The following PAQR8 variants were observed in gnomAD, a reference collection of about 807,000 sequenced individuals.
PAQR8 encodes the protein membrane progestin receptor beta.
PAQR8 carries 17 observed loss-of-function variants against 25.2 expected under a neutral mutation model. That is an observed-to-expected ratio of 0.67 (90% confidence interval 0.46 to 1.01). PAQR8 has a LOEUF of 1.01. Among genes scored for constraint, PAQR8 ranks in the 50% least tolerant of loss-of-function variants. PAQR8 has a pLI of 0.00. For synonymous variants in PAQR8, 204 were observed against 190.6 expected (o/e 1.07, Z -0.58); for missense variants, 392 against 448.4 (o/e 0.87, Z 1.14).
At chr6:52,379,638 T>TTTTTTTG (rs1763530285) in intron 1 of PAQR8, among the ~76,000 whole-genome samples, 1 of 139,768 alleles carries the variant, frequency 7.2e-6, no homozygotes, top group Non-Finnish European at 1.6e-5. Context: ...TTTTTTTTTT[T>TTTTTTTG]TTTTTTGAGA....
intron 1 of PAQR8, among the ~76,000 whole-genome samples, chr6:52,365,779 G>T (rs2113932096): frequency 6.6e-6 from 1 of 152,154 alleles, no homozygotes; most frequent in South Asian, 2.1e-4. Flanking sequence ...CAGAAACGAG[G>T]AAATACAGAC....
At chr6:52,366,385 T>A (rs566005136) in intron 1 of PAQR8, among the ~76,000 whole-genome samples, 2 of 152,218 alleles carry the variant, frequency 1.3e-5, no homozygotes, top group Non-Finnish European at 2.9e-5. Context: ...CTTACAATGA[T>A]GCAGGAACAA....
chr6:52,403,389 G>C lies in PAQR8; in HGVS notation c.176G>C (p.Gly59Ala). 6.2e-7 allele frequency: 1 copy of C among 1,614,230 alleles called. No individual in the cohort carries two copies. Among genetic ancestry groups the C allele is most frequent in the Non-Finnish European group, 8.5e-7 (1 of 1,180,042 alleles). The part of the protein sequence containing the change: ...PYIRTGYRPT[G>A]HEWRYYFFSL... ...ATCCGCACCGGCTACCGCCCCACGG[G>C]GCACGAGTGGCGCTACTACTTCTTC... The change falls in exon 2 of 2, where the codon GGG becomes GCG. Residue 59 changes from glycine (G) to alanine (A), a missense_variant. Gly to Ala is a moderately conservative substitution (Grantham distance 60). Coordinates refer to ENST00000442253, the MANE Select transcript of PAQR8 (RefSeq NM_133367.5).
At position 52,406,681 on chromosome 6, in the gene PAQR8, G is replaced by C; in HGVS notation, c.*2403G>C. 1 of 404,342 alleles carries C rather than the reference G, an allele frequency of 2.5e-6. No individual in the cohort carries two copies. Among genetic ancestry groups the C allele is most frequent in the Non-Finnish European group, 4.4e-6 (1 of 225,046 alleles). The allele number at this position is 404,342 out of a possible 1,614,324, so 25.0% of individuals were successfully genotyped here. On this transcript the variant is annotated 3_prime_UTR_variant, in exon 2 of 2. Coordinates refer to ENST00000442253, the MANE Select transcript of PAQR8 (RefSeq NM_133367.5). Reference sequence around the variant, plus strand: ...CAGCTCAAGCAATCCTCCCACCTCAGCCTCCTAAGTACCTGGTACTACAGG... The same window carrying C: ...CAGCTCAAGCAATCCTCCCACCTCACCCTCCTAAGTACCTGGTACTACAGG...
chr6:52,399,862 G>A (rs1181141539), intron 1 of PAQR8, among the ~76,000 whole-genome samples: 3 of 152,166 alleles, frequency 2.0e-5, no homozygotes, highest in Non-Finnish European at 4.4e-5. Flanking sequence ...AACAGCAACA[G>A]GGCAACTTGA....
At chr6:52,365,766 A>C (rs1343289348) in intron 1 of PAQR8, among the ~76,000 whole-genome samples, 2 of 152,168 alleles carry the variant, frequency 1.3e-5, no homozygotes, top group African/African-American at 2.4e-5. Flanking sequence ...TTTTTTATTT[A>C]TTCAGAAACG....
chr6:52,372,875 A>G (rs192118231), intron 1 of PAQR8, among the ~76,000 whole-genome samples: 1 of 152,178 alleles, frequency 6.6e-6, no homozygotes, highest in Admixed American at 6.5e-5. Flanking sequence ...TTTAAACTTC[A>G]CAATAACACT....
At chr6:52,387,890 C>G (rs997170365) in intron 1 of PAQR8, among the ~76,000 whole-genome samples, 1 of 152,250 alleles carries the variant, frequency 6.6e-6, no homozygotes, top group Non-Finnish European at 1.5e-5. Context: ...CGTGCCAATC[C>G]TATTGTGAAC....
At chr6:52,388,661 G>C (rs986859735) in intron 1 of PAQR8, among the ~76,000 whole-genome samples, 8 of 152,148 alleles carry the variant, frequency 5.3e-5, no homozygotes, top group African/African-American at 1.4e-4. Flanking sequence ...CACCAAATCT[G>C]CTGGTGCCTT....
intron 1 of PAQR8, among the ~76,000 whole-genome samples, chr6:52,381,578 G>C (rs1246271639): frequency 6.6e-6 from 1 of 152,230 alleles, no homozygotes; most frequent in Admixed American, 6.5e-5. Flanking sequence ...CTGCACTCCA[G>C]CCTGGGTGAG....
chr6:52,375,386 A>G (rs552730146), intron 1 of PAQR8, among the ~76,000 whole-genome samples: 1 of 152,206 alleles, frequency 6.6e-6, no homozygotes, highest in South Asian at 2.1e-4. Flanking sequence ...AAATTCAGTG[A>G]GCTCTTTAGC....
intron 1 of PAQR8, among the ~76,000 whole-genome samples, chr6:52,402,022 AT>A (rs1214877133): frequency 6.6e-6 from 1 of 152,176 alleles, no homozygotes; most frequent in Non-Finnish European, 1.5e-5. Context: ...TAACATTTCC[AT>A]TTTACAAGAT....
intron 1 of PAQR8, among the ~76,000 whole-genome samples, chr6:52,395,821 C>T (rs1198617879): frequency 6.6e-6 from 1 of 152,098 alleles, no homozygotes; most frequent in Admixed American, 6.5e-5. Flanking sequence ...AGTGGATAGA[C>T]AGGAAATCAC....
In PAQR8 at chr6:52,403,436, G is replaced by A. The variant is rs1204812249; in HGVS notation, c.223G>A (p.Glu75Lys). 2 of 1,614,116 alleles carry A rather than the reference G, an allele frequency of 1.2e-6. No individual in the cohort carries two copies. Among genetic ancestry groups the A allele is most frequent in the Non-Finnish European group, 1.7e-6 (2 of 1,180,062 alleles). The stretch of plus-strand genomic sequence containing the variant: ...CTTCAGCCTCTTTCAGAAACACAAC[G>A]AGGTGGTCAACGTCTGGACCCATTT... ...YFFSLFQKHN[E>K]VVNVWTHLLA... The change falls in exon 2 of 2, where the codon GAG (glutamate) becomes AAG (lysine). Residue 75 changes from glutamate to lysine, a missense_variant. Glu to Lys is a moderately conservative substitution (Grantham distance 56). Coordinates refer to ENST00000442253, the MANE Select transcript of PAQR8 (RefSeq NM_133367.5).
rs570858923 is a variant in PAQR8, at chr6:52,375,301, A to G, written c.-53+13052A>G. 5.9e-5 allele frequency among the ~76,000 whole-genome samples: 9 copies of G among 152,166 alleles called. No individual in the cohort carries two copies. The South Asian group carries it at 1.7e-3, about 28-fold the overall frequency. On this transcript the variant is annotated intron_variant, in intron 1 of 1. Transcript: ENST00000442253. The stretch of plus-strand genomic sequence containing the variant: ...GATTTCAGGAAGCCATTACCAAGCA[A>G]TAGAGGTTGGCATGACAAGTGAAAT...
intron 1 of PAQR8, among the ~76,000 whole-genome samples, chr6:52,363,655 T>G (rs1332848122): frequency 1.3e-5 from 2 of 152,146 alleles, no homozygotes; most frequent in African/African-American, 2.4e-5. Flanking sequence ...TTTGGGAGTA[T>G]TTGCTTGTCA....
chr6:52,390,717 C>T (rs764060498), intron 1 of PAQR8, among the ~76,000 whole-genome samples: 3 of 151,900 alleles, frequency 2.0e-5, no homozygotes, highest in Non-Finnish European at 4.4e-5. Flanking sequence ...ATATTTTTTT[C>T]CCTTTAAACC....
intron 1 of PAQR8, among the ~76,000 whole-genome samples, chr6:52,386,898 C>T (rs1040344055): frequency 6.6e-6 from 1 of 152,184 alleles, no homozygotes; most frequent in Non-Finnish European, 1.5e-5. Context: ...ACAGGTTAGG[C>T]AGGTAGGTAA....
chr6:52,388,150 C>T (rs12234143), intron 1 of PAQR8, among the ~76,000 whole-genome samples: 7,197 of 152,142 alleles, frequency 0.047, 223 homozygotes, highest in South Asian at 0.089. Context: ...CCAAGGTGGG[C>T]GGGTCACTTG....
Sources: allele counts gnomAD v4.1 joint callset (sites outside exome capture counted in the v4.1 genomes callset), GRCh38; gene constraint gnomAD v4.1.1; transcripts MANE v1.5; gene names NCBI Gene and HGNC (gene_info 2026-07-23, HGNC 2026-07-21).